The following ALOX5 variants were observed in gnomAD, a reference collection of about 807,000 sequenced individuals.
ALOX5 encodes the protein polyunsaturated fatty acid 5-lipoxygenase.
Under a neutral mutation model 87.9 loss-of-function variants are expected in ALOX5, and 64 were observed. The ratio of observed to expected loss-of-function variants is 0.73; its 90% CI spans 0.60 to 0.90. The LOEUF is 0.90. Among genes scored for constraint, ALOX5 ranks in the 40% least tolerant of loss-of-function variants. ALOX5 has a pLI of 0.00. For synonymous variants in ALOX5, 388 were observed against 355.1 expected (o/e 1.09, Z -1.04); for missense variants, 822 against 907.5 (o/e 0.91, Z 1.21).
Position 45,382,463 on chromosome 10 carries a change from T to C in ALOX5, c.151-20T>C, listed in dbSNP as rs1181547875. The C allele has an allele frequency of 2.5e-6, 4 of 1,613,984 alleles. No individual in the cohort carries two copies. The African/African-American group carries it at 4.0e-5, about 16-fold the overall frequency. ...GCTCAGGAGACCACGCATGGCCTGA[T>C]TGCCTGTTCTCCTTCCCAGGTGGAT... On this transcript the variant is annotated intron_variant, in intron 1 of 13. Transcript: ENST00000374391.
At chr10:45,438,927 G>A (rs977676913) in intron 7 of ALOX5, among the ~76,000 whole-genome samples, 2 of 152,138 alleles carry the variant, frequency 1.3e-5, no homozygotes. Context: ...GGCTTCTGGG[G>A]TCTCTCTGAC....
intron 4 of ALOX5, among the ~76,000 whole-genome samples, chr10:45,423,810 A>G (rs571784680): frequency 9.2e-5 from 14 of 152,320 alleles, no homozygotes; most frequent in Admixed American, 7.2e-4. Flanking sequence ...AAGGCACTGC[A>G]GGCTATTCTG....
At chr10:45,377,692 T>C (rs900327638) in intron 1 of ALOX5, among the ~76,000 whole-genome samples, 3 of 151,768 alleles carry the variant, frequency 2.0e-5, no homozygotes, top group Non-Finnish European at 4.4e-5. Context: ...CCACAGCCCC[T>C]CATTAGTCCC....
At position 45,427,252 on chromosome 10, in the gene ALOX5, G is replaced by A. The variant is rs184664869; in HGVS notation, c.835-1366G>A. On this transcript the variant is annotated intron_variant, in intron 6 of 13. Transcript: ENST00000374391. ...GATTAGCAGCCATTCCTTCTGGGTAGAGTCTGATGGTCACTTCAGCTCTCA... is the reference window on the plus strand; with the variant it reads ...GATTAGCAGCCATTCCTTCTGGGTAAAGTCTGATGGTCACTTCAGCTCTCA... 1.7e-4 allele frequency among the ~76,000 whole-genome samples: 26 copies of A among 152,302 alleles called. No homozygotes were observed. The East Asian group carries it at 4.1e-3, about 24-fold the overall frequency.
At chr10:45,409,778 A>G (rs1184669484) in intron 3 of ALOX5, among the ~76,000 whole-genome samples, 1 of 152,202 alleles carries the variant, frequency 6.6e-6, no homozygotes, top group Non-Finnish European at 1.5e-5. Context: ...GCTCCTGTGC[A>G]GGTCAGCCTG....
chr10:45,409,757 G>A (rs917198554), intron 3 of ALOX5, among the ~76,000 whole-genome samples: 17 of 152,238 alleles, frequency 1.1e-4, no homozygotes, highest in African/African-American at 4.1e-4. Context: ...CTGTGGCCAT[G>A]CAGGCCTTCG....
intron 7 of ALOX5, among the ~76,000 whole-genome samples, chr10:45,433,920 GA>G (rs1330260016): frequency 6.6e-6 from 1 of 152,146 alleles, no homozygotes; most frequent in South Asian, 2.1e-4. Context: ...CTGGGTTTCT[GA>G]AAAACAACTC....
At chr10:45,381,961 A>T (rs939059421) in intron 1 of ALOX5, among the ~76,000 whole-genome samples, 1 of 152,268 alleles carries the variant, frequency 6.6e-6, no homozygotes, top group African/African-American at 2.4e-5. Flanking sequence ...TAGGTCTGAG[A>T]ATCGGCATAA....
chr10:45,393,463 A>G (rs1840372593), intron 2 of ALOX5, among the ~76,000 whole-genome samples: 1 of 152,180 alleles, frequency 6.6e-6, no homozygotes, highest in Non-Finnish European at 1.5e-5. Context: ...TCAAAATAAT[A>G]AGAGCTATTT....
At chr10:45,404,521 C>T (rs1430297460) in intron 3 of ALOX5, among the ~76,000 whole-genome samples, 3 of 152,184 alleles carry the variant, frequency 2.0e-5, no homozygotes, top group African/African-American at 7.2e-5. Context: ...GTTTGTTAAT[C>T]GATATAATTT....
intron 1 of ALOX5, among the ~76,000 whole-genome samples, chr10:45,380,196 C>T (rs1241710475): frequency 1.3e-5 from 2 of 152,224 alleles, no homozygotes; most frequent in African/African-American, 2.4e-5. Flanking sequence ...TCAGAGGTGG[C>T]AGATGAGGCT....
intron 1 of ALOX5, among the ~76,000 whole-genome samples, chr10:45,377,215 T>G (rs1839647993): frequency 6.6e-6 from 1 of 152,186 alleles, no homozygotes; most frequent in Non-Finnish European, 1.5e-5. Flanking sequence ...AAATTAATTC[T>G]AGAATACCTC....
intron 7 of ALOX5, among the ~76,000 whole-genome samples, chr10:45,430,441 C>T (rs1399113191): frequency 6.6e-6 from 1 of 151,516 alleles, no homozygotes; most frequent in Non-Finnish European, 1.5e-5. Context: ...AAAAAAAATG[C>T]AAGATTCGGA....
intron 4 of ALOX5, among the ~76,000 whole-genome samples, chr10:45,418,308 A>G (rs561857136): frequency 5.3e-4 from 80 of 152,054 alleles, no homozygotes; most frequent in Non-Finnish European, 6.5e-4. Context: ...GGGGGACCCT[A>G]GGAAAGTCGT....
intron 1 of ALOX5, among the ~76,000 whole-genome samples, chr10:45,377,660 T>G (rs1331197236): frequency 6.6e-6 from 1 of 152,064 alleles, no homozygotes; most frequent in Non-Finnish European, 1.5e-5. Context: ...AATCTTCCTC[T>G]CTGCTCTACA....
At chr10:45,404,236 A>G (rs1840798665) in intron 3 of ALOX5, among the ~76,000 whole-genome samples, 1 of 152,170 alleles carries the variant, frequency 6.6e-6, no homozygotes. Context: ...GAAACACTGA[A>G]CTTTGCACTG....
intron 13 of ALOX5, chr10:45,444,668 TC>T (rs1325915201): frequency 9.3e-6 from 2 of 216,180 alleles, no homozygotes; most frequent in East Asian, 2.2e-4. Flanking sequence ...AACAACTGAA[TC>T]CGGTGTGTCT....
At chr10:45,418,012 C>T (rs184659965) in intron 4 of ALOX5, among the ~76,000 whole-genome samples, 27 of 152,336 alleles carry the variant, frequency 1.8e-4, no homozygotes, top group African/African-American at 5.5e-4. Context: ...CTGTCATTAG[C>T]CCCTTGAGTG....
In ALOX5 at chr10:45,443,039, C is replaced by T; in HGVS notation, c.1274C>T (p.Ala425Val). The change falls in exon 10 of 14, where the codon GCC becomes GTC. Residue 425 changes from alanine (A) to valine (V), a missense_variant and splice_region_variant. Physicochemically the swap from Ala to Val is moderately conservative, Grantham distance 64 (BLOSUM62 0). Coordinates refer to ENST00000374391, the MANE Select transcript of ALOX5 (RefSeq NM_000698.5). ...LICECGLFDK[A>V]NATGGGGHVQ... ...AGGGCACTCTACCTCCCACTCCAGGCCAACGCCACAGGGGGCGGTGGGCAC... is the reference window on the plus strand; with the variant it reads ...AGGGCACTCTACCTCCCACTCCAGGTCAACGCCACAGGGGGCGGTGGGCAC... 6.2e-7 allele frequency: 1 copy of T among 1,611,046 alleles called. No homozygotes were observed. The highest frequency in any genetic ancestry group is 8.5e-7 in the Non-Finnish European group (1 of 1,178,612).
Sources: allele counts gnomAD v4.1 joint callset (sites outside exome capture counted in the v4.1 genomes callset), GRCh38; gene constraint gnomAD v4.1.1; transcripts MANE v1.5; gene names NCBI Gene and HGNC (gene_info 2026-07-23, HGNC 2026-07-21).